SULF1: variants seen among roughly 807,000 people sequenced by gnomAD.
SULF1 encodes the protein extracellular sulfatase Sulf-1.
A neutral mutation model predicts 110.5 loss-of-function variants in SULF1; 46 were observed. The ratio of observed to expected loss-of-function variants is 0.42; its 90% CI spans 0.33 to 0.53. The LOEUF (loss-of-function observed/expected upper bound fraction) is 0.53. SULF1 is among the 20% of genes least tolerant of loss of function. The pLI is 0.12. For synonymous variants in SULF1, 371 were observed against 387.1 expected, an observed-to-expected ratio of 0.96 and a Z score of 0.49; for missense variants, 941 against 1,094.2, an observed-to-expected ratio of 0.86 and a Z score of 1.98.
chr8:69,485,046 C>A (rs1422185066), intron 1 of SULF1, among the ~76,000 whole-genome samples: 1 of 152,084 alleles, frequency 6.6e-6, no homozygotes, highest in African/African-American at 2.4e-5. Flanking sequence ...GCCCTCTGAG[C>A]AATGACTCAG....
chr8:69,620,492 A>G (rs1809513594), intron 13 of SULF1, among the ~76,000 whole-genome samples: 1 of 152,250 alleles, frequency 6.6e-6, no homozygotes, highest in African/African-American at 2.4e-5. Flanking sequence ...AAAGACACAA[A>G]AGAAAGCCTG....
At chr8:69,535,108 G>A (rs1813348524) in intron 3 of SULF1, among the ~76,000 whole-genome samples, 1 of 152,242 alleles carries the variant, frequency 6.6e-6, no homozygotes, top group Non-Finnish European at 1.5e-5. Context: ...GCATGCTGCA[G>A]TTGGGGCTGT....
intron 9 of SULF1, among the ~76,000 whole-genome samples, chr8:69,601,331 C>T (rs1035021287): frequency 6.6e-6 from 1 of 152,180 alleles, no homozygotes; most frequent in Middle Eastern, 3.2e-3. Flanking sequence ...ATAATTTTAA[C>T]AATGGATTTT....
intron 7 of SULF1, among the ~76,000 whole-genome samples, chr8:69,588,708 T>C (rs1245782249): frequency 6.6e-6 from 1 of 152,010 alleles, no homozygotes; most frequent in Non-Finnish European, 1.5e-5. Context: ...CGACTTGACT[T>C]TTTTTTTCCC....
intron 5 of SULF1, among the ~76,000 whole-genome samples, chr8:69,568,533 T>C (rs1396152820): frequency 1.3e-5 from 2 of 152,226 alleles, no homozygotes; most frequent in Non-Finnish European, 2.9e-5. Flanking sequence ...TTCACATTAT[T>C]GTGAATGAAT....
Position 69,564,088 on chromosome 8 carries a change from GA to G in SULF1, c.119del (p.Asn40ThrfsTer24). 1 of 1,614,086 alleles carries G rather than the reference GA, an allele frequency of 6.2e-7. No individual in the cohort carries two copies. The highest frequency in any genetic ancestry group is 8.5e-7 in the Non-Finnish European group (1 of 1,180,016). ...PRFRGRIQQE[R>X]KNIRPNIILV... ...TTCAGAGGACGGATACAGCAGGAAC[GA>G]AAAAACATCCGACCCAACATTATTC... On this transcript the variant is annotated frameshift_variant, in exon 5 of 23. Transcript: ENST00000402687. LOFTEE classifies it high-confidence loss of function.
chr8:69,504,453 G>T (rs1361657702), intron 3 of SULF1, among the ~76,000 whole-genome samples: 2 of 152,086 alleles, frequency 1.3e-5, no homozygotes, highest in Non-Finnish European at 2.9e-5. Context: ...TTATCAAGAG[G>T]CTAAGGCAGG....
intron 6 of SULF1, among the ~76,000 whole-genome samples, chr8:69,585,188 C>A (rs2150763224): frequency 6.6e-6 from 1 of 152,188 alleles, no homozygotes; most frequent in Non-Finnish European, 1.5e-5. Context: ...TACATACACG[C>A]ACACATGCTT....
At chr8:69,654,803 C>G (rs1039354862) in intron 22 of SULF1, among the ~76,000 whole-genome samples, 17 of 152,200 alleles carry the variant, frequency 1.1e-4, no homozygotes, top group African/African-American at 3.1e-4. Context: ...TGTCTCCCCA[C>G]ATTTTAGACA....
intron 22 of SULF1, among the ~76,000 whole-genome samples, chr8:69,644,924 C>A (rs554215566): frequency 1.3e-5 from 2 of 152,262 alleles, no homozygotes; most frequent in African/African-American, 2.4e-5. Flanking sequence ...AGGGACTCCA[C>A]CTTATTTTAA....
rs1810352734 is a variant in SULF1, at chr8:69,629,484, A to G, written c.2109-20A>G. ...AAAGTGCCTTCTGAACACTCAAAAT[A>G]ATCCCTTCTCTTGGAACAGGGAGGC... is the stretch of plus-strand genomic sequence containing the variant. On this transcript the variant is annotated intron_variant, in intron 18 of 22. Transcript: ENST00000402687. 1 of 1,598,896 alleles carries G rather than the reference A, an allele frequency of 6.3e-7. No individual in the cohort carries two copies. The highest frequency in any genetic ancestry group is 8.5e-7 in the Non-Finnish European group (1 of 1,173,674).
rs1422071761 is a variant in SULF1 at position 69,605,003 on chromosome 8, T to A, written c.1377+71T>A. 3 of 1,585,518 alleles carry A rather than the reference T, an allele frequency of 1.9e-6. No homozygotes were observed. The African/African-American group carries it at 4.1e-5, about 22-fold the overall frequency. Reference sequence around the variant, plus strand: ...TCTCTAATTTAGAAAATTGTCCACATATAAAAGAATGTACATTTGTGTATA... The same window carrying A: ...TCTCTAATTTAGAAAATTGTCCACAAATAAAAGAATGTACATTTGTGTATA... On this transcript the variant is annotated intron_variant, in intron 13 of 22. Coordinates refer to ENST00000402687, the MANE Select transcript of SULF1 (RefSeq NM_001128205.2).
intron 15 of SULF1, among the ~76,000 whole-genome samples, chr8:69,626,882 C>T (rs1810109694): frequency 6.6e-6 from 1 of 152,246 alleles, no homozygotes; most frequent in Non-Finnish European, 1.5e-5. Context: ...GCTGAGGGAG[C>T]CGGCACTGGC....
In SULF1 at chr8:69,596,212, G is replaced by A. The variant is rs904038175; in HGVS notation, c.735-4391G>A. On this transcript the variant is annotated intron_variant, in intron 8 of 22. Coordinates refer to ENST00000402687, the MANE Select transcript of SULF1 (RefSeq NM_001128205.2). ...GGAGGATTACAGGGATGTTTTCTTG[G>A]GGGTATAAGGTCTGGAGTGTGCAGT... Among the ~76,000 whole-genome samples, 10 of 152,142 alleles carry A rather than the reference G, an allele frequency of 6.6e-5. No individual in the cohort carries two copies. In the South Asian group the frequency reaches 1.9e-3, roughly 28 times the overall value.
chr8:69,586,195 C>T (rs542740977), intron 6 of SULF1, among the ~76,000 whole-genome samples, 162 bp from the exon 7 acceptor site: 1 of 152,258 alleles, frequency 6.6e-6, no homozygotes, highest in African/African-American at 2.4e-5. Flanking sequence ...TGTCACTTTG[C>T]CAAAGGATTG....
intron 18 of SULF1, 60 bp downstream of exon 18, chr8:69,628,296 C>T (rs879149370): frequency 3.3e-5 from 48 of 1,454,560 alleles, no homozygotes; most frequent in Middle Eastern, 3.5e-4. Flanking sequence ...CCTGGCCCTT[C>T]GAAGAGGCTG....
At chr8:69,495,508 A>G (rs1461678712) in intron 1 of SULF1, among the ~76,000 whole-genome samples, 1 of 152,232 alleles carries the variant, frequency 6.6e-6, no homozygotes, top group Non-Finnish European at 1.5e-5. Context: ...TCTGGACTCA[A>G]TGAAATCAGA....
chr8:69,586,660 A>C, intron 7 of SULF1, 152 bp downstream of exon 7: 1 of 906,894 alleles, frequency 1.1e-6, no homozygotes, highest in Non-Finnish European at 1.6e-6. Flanking sequence ...AACTCTAGGC[A>C]AGGAAAAGAC....
At chr8:69,525,086 T>C (rs745959944) in intron 3 of SULF1, among the ~76,000 whole-genome samples, 3 of 152,220 alleles carry the variant, frequency 2.0e-5, no homozygotes, top group Non-Finnish European at 4.4e-5. Flanking sequence ...GCACAGACTT[T>C]ATGCCTACAA....
Sources: allele counts gnomAD v4.1 joint callset (sites outside exome capture counted in the v4.1 genomes callset), GRCh38; gene constraint gnomAD v4.1.1; transcripts MANE v1.5; gene names NCBI Gene and HGNC (gene_info 2026-07-23, HGNC 2026-07-21).